Variants in COL4A2 observed in about 807,000 individuals in gnomAD.
COL4A2 encodes collagen alpha-2(IV) chain.
A neutral mutation model predicts 200.2 loss-of-function variants in COL4A2; 99 were observed. That is an observed-to-expected ratio of 0.49 (90% CI 0.42 to 0.58). The LOEUF (loss-of-function observed/expected upper bound fraction) is 0.58. Among genes scored for constraint, COL4A2 ranks in the 20% least tolerant of loss-of-function variants. COL4A2 has a pLI of 0.00. For synonymous variants in COL4A2, 897 were observed against 900.6 expected (o/e 1.00, Z 0.07); for missense variants, 1,950 against 2,314.1 (o/e 0.84, Z 3.23).
At chr13:110,453,039 T>A (rs1460493637) in intron 20 of COL4A2, among the ~76,000 whole-genome samples, 1 of 152,128 alleles carries the variant, frequency 6.6e-6, no homozygotes, top group Admixed American at 6.5e-5. Flanking sequence ...GTGCTGGGAT[T>A]ACAGGTATGA....
In COL4A2 at chr13:110,429,922, A is replaced by G. The variant is rs1880612559; in HGVS notation, c.515A>G (p.Tyr172Cys). 1 of 1,612,318 alleles carries G rather than the reference A, an allele frequency of 6.2e-7. No homozygotes were observed. The highest frequency in any genetic ancestry group is 1.7e-5 in the Admixed American group (1 of 59,430). The change falls in exon 8 of 48, where the codon TAT (tyrosine) becomes TGT (cysteine). Residue 172 changes from tyrosine to cysteine, a missense_variant. By Grantham distance (194) the Tyr-to-Cys change is radical. Around this residue, in one of 2 missense-constraint regions of COL4A2, gnomAD observed 565 missense variants for 593.5 expected, o/e 0.95. Coordinates refer to ENST00000360467, the MANE Select transcript of COL4A2 (RefSeq NM_001846.4). Reference protein sequence around the residue: ...QGPKGQKGEPYALPKEERDRY... With the variant: ...QGPKGQKGEPCALPKEERDRY... ...CCAAAAGGGCAGAAAGGTGAGCCTT[A>G]TGCACTGCCTAAAGAGGAGCGCGAC...
At chr13:110,315,813 T>C (rs560975256) in intron 3 of COL4A2, among the ~76,000 whole-genome samples, 2 of 152,366 alleles carry the variant, frequency 1.3e-5, no homozygotes, top group African/African-American at 4.8e-5. Context: ...TACCTTTATC[T>C]GCCCGAGGCC....
At position 110,503,387 on chromosome 13, in the gene COL4A2, CA is replaced by C; in HGVS notation, c.4045del (p.Arg1349GlyfsTer110). On this transcript the variant is annotated frameshift_variant, in exon 43 of 48. Coordinates refer to ENST00000360467, the MANE Select transcript of COL4A2 (RefSeq NM_001846.4). LOFTEE classifies it high-confidence loss of function. ...VFGLPGEKGP[R>X]GEQGFMGNTG... is the part of the protein sequence containing the mutation. ...AACGTCTTGTTTGTGTTGCAGGGCC[CA>C]GGGGTGAACAAGGCTTCATGGGGAA... 1.9e-6 allele frequency: 3 copies of C among 1,598,298 alleles called. No homozygotes were observed. The highest frequency in any genetic ancestry group is 1.1e-5 in the South Asian group (1 of 89,012).
intron 4 of COL4A2, among the ~76,000 whole-genome samples, chr13:110,402,949 T>C (rs1465851772): frequency 6.6e-6 from 1 of 152,210 alleles, no homozygotes; most frequent in Non-Finnish European, 1.5e-5. Context: ...GAGCTACACC[T>C]GGACCCACTG....
At chr13:110,433,587 T>C (rs1880764091) in intron 11 of COL4A2, among the ~76,000 whole-genome samples, 1 of 152,214 alleles carries the variant, frequency 6.6e-6, no homozygotes, top group Admixed American at 6.5e-5. Flanking sequence ...AGAAAATATC[T>C]GGACATTGGA....
At chr13:110,485,396 G>A (rs756664974) in intron 33 of COL4A2, among the ~76,000 whole-genome samples, 10 of 151,998 alleles carry the variant, frequency 6.6e-5, no homozygotes, top group Non-Finnish European at 8.8e-5. Context: ...GGTGGTGGGC[G>A]CCTGTAGTCC....
rs1239864341 is a variant in COL4A2, at chr13:110,460,446, G to A, written c.1596+1512G>A. On this transcript the variant is annotated intron_variant, in intron 22 of 47. Transcript: ENST00000360467. ...AGTGGCTCTAGTATTCAGAAAAAGTGCGTGGGGTGAGAACTGCACATATAC... is the reference window on the plus strand; with the variant it reads ...AGTGGCTCTAGTATTCAGAAAAAGTACGTGGGGTGAGAACTGCACATATAC... 3.9e-5 allele frequency among the ~76,000 whole-genome samples: 6 copies of A among 152,234 alleles called. No individual in the cohort carries two copies. The South Asian group carries it at 1.0e-3, about 26-fold the overall frequency.
At chr13:110,333,302 C>T (rs7323190) in intron 3 of COL4A2, among the ~76,000 whole-genome samples, 1 of 152,066 alleles carries the variant, frequency 6.6e-6, no homozygotes, top group Non-Finnish European at 1.5e-5. Flanking sequence ...TTCCACCTTC[C>T]TATTCTTGGA....
chr13:110,444,670 G>A (rs1308506265), intron 16 of COL4A2, among the ~76,000 whole-genome samples: 1 of 152,174 alleles, frequency 6.6e-6, no homozygotes, highest in Non-Finnish European at 1.5e-5. Context: ...TCTTATACCT[G>A]TGGCATCTGG....
chr13:110,503,032 T>C (rs1184379198), intron 41 of COL4A2, 89 bp from the exon 42 acceptor site: 4 of 1,228,120 alleles, frequency 3.3e-6, no homozygotes, highest in Non-Finnish European at 4.7e-6. Flanking sequence ...CCAGAGACTG[T>C]CGCCTGAATG....
intron 4 of COL4A2, among the ~76,000 whole-genome samples, chr13:110,396,333 CAT>C (rs575325028): frequency 5.3e-5 from 8 of 152,170 alleles, no homozygotes; most frequent in South Asian, 2.1e-4. Flanking sequence ...CTTGTAAAAA[CAT>C]GTGGAAGTTT....
Position 110,489,662 on chromosome 13 carries a change from A to C in COL4A2, c.3272-49A>C, listed in dbSNP as rs409345. The C allele has an allele frequency of 0.14, 218,183 of 1,611,076 alleles. 15,218 individuals carry two copies. Among genetic ancestry groups the C allele is most frequent in the African/African-American group, 0.19 (13,880 of 74,914 alleles). Reference sequence around the variant, plus strand: ...AAAATAGAAGTTGCAAAACTCACAAAGTCCCAGTGGAAAGTCCTGTTCTTA... The same window carrying C: ...AAAATAGAAGTTGCAAAACTCACAACGTCCCAGTGGAAAGTCCTGTTCTTA... On this transcript the variant is annotated intron_variant, in intron 35 of 47. Transcript: ENST00000360467.
chr13:110,509,163 A>G (rs961562857), intron 47 of COL4A2, among the ~76,000 whole-genome samples: 9 of 150,656 alleles, frequency 6.0e-5, no homozygotes, highest in Non-Finnish European at 1.5e-5. Flanking sequence ...TGGGTCTTCC[A>G]GTGAGTTTAT....
Position 110,512,554 on chromosome 13 carries a change from G to A in COL4A2, c.*363G>A, listed in dbSNP as rs942676014. The A allele has an allele frequency of 4.5e-5, 11 of 243,924 alleles. No homozygotes were observed. The highest frequency in any genetic ancestry group is 1.8e-4 in the South Asian group (3 of 16,556). The allele number at this position is 243,924 out of a possible 1,614,324, so 15.1% of individuals were successfully genotyped here. ...ACTCCCTTCTCGGGGTGGGACAGAC[G>A]AGACAACAGCACACAGGCAGCCAGC... On this transcript the variant is annotated 3_prime_UTR_variant, in exon 48 of 48. Transcript: ENST00000360467.
intron 3 of COL4A2, among the ~76,000 whole-genome samples, chr13:110,354,666 A>T (rs1460472915): frequency 6.6e-6 from 1 of 151,018 alleles, no homozygotes; most frequent in Non-Finnish European, 1.5e-5. Context: ...ATCAGATACT[A>T]TATTAGGTAA....
At chr13:110,474,114 G>A (rs971591913) in intron 29 of COL4A2, among the ~76,000 whole-genome samples, 1 of 149,434 alleles carries the variant, frequency 6.7e-6, no homozygotes, top group African/African-American at 2.5e-5. Flanking sequence ...GTGACAGAGT[G>A]AGACTCTGTC....
rs1199552495 is a variant in COL4A2 at position 110,501,671 on chromosome 13, A to G, written c.3764A>G (p.Glu1255Gly). 1 of 1,613,356 alleles carries G rather than the reference A, an allele frequency of 6.2e-7. No homozygotes were observed. The highest frequency in any genetic ancestry group is 1.1e-5 in the South Asian group (1 of 91,066). Residue 1255 changes from glutamate to glycine, a missense_variant, in exon 41 of 48, where the codon GAA becomes GGA. Glu to Gly is a moderately conservative substitution (Grantham distance 98). Transcript: ENST00000360467. Reference sequence around the variant, plus strand: ...TTTCTTCTGTTTTCATCCTAAGGGGAACGAGGCCCACCTGGGAGCCCAGGA... The same window carrying G: ...TTTCTTCTGTTTTCATCCTAAGGGGGACGAGGCCCACCTGGGAGCCCAGGA... ...GQKGDQGAPG[E>G]RGPPGSPGLQ...
At chr13:110,446,480 C>A (rs754878120) in intron 17 of COL4A2, among the ~76,000 whole-genome samples, 1 of 152,192 alleles carries the variant, frequency 6.6e-6, no homozygotes. Flanking sequence ...CCAGGCGGCT[C>A]GGCTATCACT....
At chr13:110,365,836 A>G (rs1877722476) in intron 4 of COL4A2, among the ~76,000 whole-genome samples, 1 of 152,240 alleles carries the variant, frequency 6.6e-6, no homozygotes, top group Non-Finnish European at 1.5e-5. Context: ...AAACGAAGCT[A>G]GGGCCTTTCT....
Sources: allele counts gnomAD v4.1 joint callset (sites outside exome capture counted in the v4.1 genomes callset), GRCh38; gene constraint gnomAD v4.1.1; regional missense constraint gnomAD v4.1.1; transcripts MANE v1.5; gene names NCBI Gene and HGNC (gene_info 2026-07-23, HGNC 2026-07-21).